Variants in PCGF5 observed in about 807,000 individuals in gnomAD.
PCGF5 encodes polycomb group ring finger 5, also known as polycomb group RING finger protein 5.
A neutral mutation model predicts 44.3 loss-of-function variants in PCGF5; 9 were observed. The observed-to-expected ratio is 0.20, with a 90% CI of 0.12 to 0.35. PCGF5 has a LOEUF of 0.35. Ranked by LOEUF, PCGF5 falls within the 10% of genes least tolerant of loss-of-function variation. PCGF5 has a pLI of 1.00. For synonymous variants in PCGF5, 95 were observed against 102.5 expected, an observed-to-expected ratio of 0.93 and a Z score of 0.44; for missense variants, 146 against 305.3, an observed-to-expected ratio of 0.48 and a Z score of 3.89.
intron 1 of PCGF5, among the ~76,000 whole-genome samples, chr10:91,214,712 G>T (rs1844511237): frequency 1.3e-5 from 2 of 152,148 alleles, no homozygotes; most frequent in African/African-American, 4.8e-5. Flanking sequence ...AAAGGCTAAA[G>T]AACTGCAGAT....
chr10:91,192,308 T>C (rs1009462434), intron 1 of PCGF5, among the ~76,000 whole-genome samples: 3 of 152,248 alleles, frequency 2.0e-5, no homozygotes, highest in Non-Finnish European at 4.4e-5. Flanking sequence ...GTTTTGCTCG[T>C]ATACCTGGAT....
chr10:91,222,911 C>T lies in PCGF5; in HGVS notation c.40C>T (p.Pro14Ser). Reference protein sequence around the residue: ...QRKHLVKDFNPYITCYICKGY... With the variant: ...QRKHLVKDFNSYITCYICKGY... Reference sequence around the variant, plus strand: ...GAAACACTTGGTGAAAGATTTTAATCCTTACATTACCTGCTATATCTGTAA... The same window carrying T: ...GAAACACTTGGTGAAAGATTTTAATTCTTACATTACCTGCTATATCTGTAA... The change falls in exon 2 of 10, where the codon CCT becomes TCT. Residue 14 changes from proline to serine, a missense_variant. Around this residue, in one of 3 missense-constraint regions of PCGF5, gnomAD observed 123 missense variants for 268.6 expected, o/e 0.46. Coordinates refer to ENST00000336126, the MANE Select transcript of PCGF5 (RefSeq NM_032373.5). The T allele has an allele frequency of 6.2e-7, 1 of 1,613,596 alleles. No individual in the cohort carries two copies. The highest frequency in any genetic ancestry group is 1.1e-5 in the South Asian group (1 of 91,062).
At chr10:91,176,371 A>G (rs1843708118) in intron 1 of PCGF5, among the ~76,000 whole-genome samples, 1 of 152,184 alleles carries the variant, frequency 6.6e-6, no homozygotes, top group Non-Finnish European at 1.5e-5. Context: ...AGTTTGGTGA[A>G]TCTGACAATT....
At chr10:91,160,601 G>C (rs1255456323), upstream of PCGF5, among the ~76,000 whole-genome samples, 1 of 152,136 alleles carries the variant, frequency 6.6e-6, no homozygotes, top group Non-Finnish European at 1.5e-5. Context: ...ATCCTGCCCA[G>C]GGAGGAGTAG....
In PCGF5 at chr10:91,279,542, T is replaced by G. The variant is rs1424161182; in HGVS notation, c.*1226T>G. ...TCCTGTATTTTGCAGTTTTGTTAAG[T>G]CTTCCATTCGTTTTAGGATTAGTCT... On this transcript the variant is annotated 3_prime_UTR_variant, in exon 10 of 10. Coordinates refer to ENST00000336126, the MANE Select transcript of PCGF5 (RefSeq NM_032373.5). The G allele has an allele frequency of 2.0e-5, 3 of 152,174 alleles. No individual in the cohort carries two copies. Among genetic ancestry groups the G allele is most frequent in the African/African-American group, 7.2e-5 (3 of 41,468 alleles). The allele number at this position is 152,174 out of a possible 1,614,324, so 9.4% of individuals were successfully genotyped here.
intron 1 of PCGF5, among the ~76,000 whole-genome samples, chr10:91,191,775 C>T (rs1844038127): frequency 6.6e-6 from 1 of 152,150 alleles, no homozygotes; most frequent in African/African-American, 2.4e-5. Flanking sequence ...ACATTTTGAC[C>T]TAGTTGGGAC....
At chr10:91,198,575 C>T (rs1844189197) in intron 1 of PCGF5, among the ~76,000 whole-genome samples, 1 of 152,206 alleles carries the variant, frequency 6.6e-6, no homozygotes, top group African/African-American at 2.4e-5. Context: ...GGCTTTCTCT[C>T]TAGAAGGCAG....
At chr10:91,178,184 G>C (rs1184040609) in intron 1 of PCGF5, among the ~76,000 whole-genome samples, 2 of 152,122 alleles carry the variant, frequency 1.3e-5, no homozygotes, top group East Asian at 3.8e-4. Flanking sequence ...ACAGTATTAT[G>C]AGATGGAAAA....
intron 8 of PCGF5, among the ~76,000 whole-genome samples, chr10:91,264,944 ATCT>A (rs1317700549): frequency 6.6e-6 from 1 of 152,112 alleles, no homozygotes; most frequent in East Asian, 1.9e-4. Context: ...AATCTAAATA[ATCT>A]TCTTTCAGGT....
upstream of PCGF5, among the ~76,000 whole-genome samples, chr10:91,215,453 G>A (rs544115268): frequency 1.3e-5 from 2 of 152,290 alleles, no homozygotes; most frequent in East Asian, 1.9e-4. Context: ...CTTGTTTAAC[G>A]TCATAGAAAT....
chr10:91,163,012 C>CCCACGCGCGCGCGCTCGCGCA (rs1843417171), exon 1 of PCGF5: 1 of 146,422 alleles, frequency 6.8e-6, no homozygotes, highest in Non-Finnish European at 1.5e-5. Context: ...CACCTACCGC[C>CCCACGCGCGCGCGCTCGCGCA]CCACGCGCGC....
At chr10:91,223,597 G>A (rs887802575) in intron 2 of PCGF5, among the ~76,000 whole-genome samples, 17 of 152,202 alleles carry the variant, frequency 1.1e-4, no homozygotes, top group African/African-American at 3.6e-4. Flanking sequence ...CCCATTGGAA[G>A]AGGAAGAGGC....
intron 3 of PCGF5, among the ~76,000 whole-genome samples, chr10:91,242,686 G>A (rs1007280990): frequency 6.6e-6 from 1 of 152,214 alleles, no homozygotes; most frequent in East Asian, 1.9e-4. Context: ...ACCCAGATTA[G>A]CTTCTTAGTA....
intron 1 of PCGF5, among the ~76,000 whole-genome samples, chr10:91,174,619 G>A (rs1002478366): frequency 6.6e-6 from 1 of 152,142 alleles, no homozygotes; most frequent in East Asian, 1.9e-4. Context: ...TAAAAGTCTT[G>A]TGGCATCTAG....
chr10:91,201,345 G>C (rs779229891), intron 1 of PCGF5, among the ~76,000 whole-genome samples: 2 of 152,046 alleles, frequency 1.3e-5, no homozygotes, highest in Non-Finnish European at 2.9e-5. Context: ...GTCCTATCAT[G>C]GTCCCCCCAG....
intron 3 of PCGF5, among the ~76,000 whole-genome samples, chr10:91,246,949 AGATAGATG>A (rs761290977): frequency 7.2e-6 from 1 of 138,680 alleles, no homozygotes; most frequent in Admixed American, 7.6e-5. Context: ...TCAGGCAGAT[AGATAGATG>A]GATAGATGGA....
At position 91,268,172 on chromosome 10, in the gene PCGF5, A is replaced by G. The variant is rs1174782132; in HGVS notation, c.664-3466A>G. Among the ~76,000 whole-genome samples, 3 of 152,026 alleles carry G rather than the reference A, an allele frequency of 2.0e-5. No individual in the cohort carries two copies. In the East Asian group the frequency reaches 5.8e-4, roughly 29 times the overall value. On this transcript the variant is annotated intron_variant, in intron 8 of 9. Coordinates refer to ENST00000336126, the MANE Select transcript of PCGF5 (RefSeq NM_032373.5). ...TTCTTGTGAGCAGGTCTTACTCTGT[A>G]CCAGCATTACACATCATCTACCTTT...
chr10:91,204,493 C>T (rs1169462595), intron 1 of PCGF5, among the ~76,000 whole-genome samples: 1 of 152,066 alleles, frequency 6.6e-6, no homozygotes, highest in Non-Finnish European at 1.5e-5. Flanking sequence ...ATTTTATTTA[C>T]TATTGTGTTC....
chr10:91,157,442 A>C, the PCGF5 span, among the ~76,000 whole-genome samples: 1 of 152,202 alleles, frequency 6.6e-6, no homozygotes. Flanking sequence ...TATGCCTATA[A>C]AATTTTTGAC....
Sources: gnomAD v4.1 joint callset for allele counts (sites outside exome capture counted in the v4.1 genomes callset) on GRCh38, gnomAD v4.1.1 for gene constraint, gnomAD v4.1.1 regional missense constraint, MANE v1.5 for transcripts, NCBI Gene and HGNC (gene_info 2026-07-23, HGNC 2026-07-21) for gene names.